PTPRM: variants seen among roughly 807,000 people sequenced by gnomAD.
The protein encoded by PTPRM is receptor-type tyrosine-protein phosphatase mu.
Under a neutral mutation model 186.7 loss-of-function variants are expected in PTPRM, and 47 were observed. The observed-to-expected ratio is 0.25, with a 90% CI of 0.20 to 0.32. The LOEUF (loss-of-function observed/expected upper bound fraction) is 0.32, where lower values mean the gene tolerates loss of function less well. Ranked by LOEUF, PTPRM falls within the 10% of genes least tolerant of loss-of-function variation. The probability of loss-of-function intolerance (pLI) is 1.00; values close to 1 mark genes in which losing one functional copy is unlikely to be tolerated. For missense variants in PTPRM, 1,494 were observed against 1,865.0 expected, an observed-to-expected ratio of 0.80 and a Z score of 3.66; for synonymous variants, 668 against 674.9, an observed-to-expected ratio of 0.99 and a Z score of 0.16.
intron 4 of PTPRM, among the ~76,000 whole-genome samples, chr18:7,924,327 T>A (rs1365498422): frequency 1.3e-5 from 2 of 152,192 alleles, no homozygotes; most frequent in Non-Finnish European, 2.9e-5. Context: ...TTTTAATGTT[T>A]CCAGTTAATG....
chr18:8,319,269 C>T, intron 22 of PTPRM, 55 bp downstream of exon 22: 2 of 1,309,288 alleles, frequency 1.5e-6, no homozygotes, highest in Non-Finnish European at 2.2e-6. Flanking sequence ...CACTTCCTAT[C>T]ATTTTGTACC....
At chr18:7,810,511 T>C (rs915740221) in intron 2 of PTPRM, among the ~76,000 whole-genome samples, 5 of 152,182 alleles carry the variant, frequency 3.3e-5, no homozygotes, top group Non-Finnish European at 5.9e-5. Context: ...AGTGGATGTA[T>C]GCATTTGTGC....
chr18:8,133,298 AC>A (rs1465749388), intron 13 of PTPRM, among the ~76,000 whole-genome samples: 1 of 151,682 alleles, frequency 6.6e-6, no homozygotes, highest in Non-Finnish European at 1.5e-5. Flanking sequence ...ACTAAGAAAA[AC>A]CCTTCTTTTC....
At chr18:7,977,150 T>C (rs1291422570) in intron 7 of PTPRM, among the ~76,000 whole-genome samples, 1 of 152,094 alleles carries the variant, frequency 6.6e-6, no homozygotes, top group African/African-American at 2.4e-5. Flanking sequence ...AGTGCAATGG[T>C]GTGATCTTGG....
intron 2 of PTPRM, among the ~76,000 whole-genome samples, chr18:7,864,811 G>T (rs1426838695): frequency 1.3e-5 from 2 of 152,118 alleles, no homozygotes; most frequent in Non-Finnish European, 2.9e-5. Context: ...TCATGATATT[G>T]ATTCTTCTTA....
chr18:7,573,170 T>G (rs1281812225), intron 1 of PTPRM, among the ~76,000 whole-genome samples: 2 of 152,156 alleles, frequency 1.3e-5, no homozygotes, highest in Non-Finnish European at 2.9e-5. Context: ...TGTTGTGTAC[T>G]CAGGTGTGGG....
Position 7,597,079 on chromosome 18 carries a change from TCCTGAC to T in PTPRM, c.73+29190_73+29195del, listed in dbSNP as rs1298102769. On this transcript the variant is annotated intron_variant, in intron 1 of 32. Coordinates refer to ENST00000580170, the MANE Select transcript of PTPRM (RefSeq NM_001105244.2). ...CACGTTGGCTAGGCTGGAATTGAAC[TCCTGAC>T]CTCAAGTGATCCACCCTCCTTGTCC... Among the ~76,000 whole-genome samples, 11 of 152,312 alleles carry T rather than the reference TCCTGAC, an allele frequency of 7.2e-5. No homozygotes were observed. In the East Asian group the frequency reaches 1.9e-3, roughly 27 times the overall value.
At chr18:7,811,127 G>T (rs564351125) in intron 2 of PTPRM, among the ~76,000 whole-genome samples, 13 of 152,256 alleles carry the variant, frequency 8.5e-5, no homozygotes, top group African/African-American at 2.6e-4. Flanking sequence ...AATCAATAAG[G>T]TTTCATGGAA....
At chr18:8,027,608 A>G (rs1392421757) in intron 7 of PTPRM, among the ~76,000 whole-genome samples, 2 of 152,242 alleles carry the variant, frequency 1.3e-5, no homozygotes, top group Non-Finnish European at 2.9e-5. Flanking sequence ...CAGATGTTAA[A>G]GAGACTTCCC....
chr18:7,873,583 A>G (rs1430473112), intron 2 of PTPRM, among the ~76,000 whole-genome samples: 1 of 152,334 alleles, frequency 6.6e-6, no homozygotes, highest in Non-Finnish European at 1.5e-5. Flanking sequence ...GGTAACAACA[A>G]GAGCAACAGT....
At chr18:8,405,464 G>A (rs533799033) in intron 32 of PTPRM, among the ~76,000 whole-genome samples, 4 of 152,296 alleles carry the variant, frequency 2.6e-5, no homozygotes, top group East Asian at 3.9e-4. Flanking sequence ...TGGGGAAGGC[G>A]CTGTCCACTT....
intron 1 of PTPRM, among the ~76,000 whole-genome samples, chr18:7,680,561 C>T (rs1346606116): frequency 3.9e-5 from 6 of 152,108 alleles, no homozygotes; most frequent in Non-Finnish European, 7.4e-5. Context: ...GTAGGAAAAC[C>T]GTTTCACATG....
rs73941030 is a variant in PTPRM at position 8,066,826 on chromosome 18, G to A, written c.1133-2860G>A. On this transcript the variant is annotated intron_variant, in intron 7 of 32. Coordinates refer to ENST00000580170, the MANE Select transcript of PTPRM (RefSeq NM_001105244.2). ...AATTTAGAGCCTTTGTCATAGAAAT[G>A]ATTGTTTTGTGTTAGGCTTAGCTGT... Among the ~76,000 whole-genome samples the A allele has an allele frequency of 9.2e-3, 1,397 of 152,238 alleles. 23 individuals carry two copies. The highest frequency in any genetic ancestry group is 0.032 in the African/African-American group (1,333 of 41,526).
intron 1 of PTPRM, among the ~76,000 whole-genome samples, chr18:7,621,466 G>A (rs114331952): frequency 1.0e-3 from 156 of 152,078 alleles, no homozygotes; most frequent in African/African-American, 3.7e-3. Context: ...ACATTGACAT[G>A]CCGTTATCAC....
At chr18:8,393,749 T>G (rs908618380) in intron 31 of PTPRM, among the ~76,000 whole-genome samples, 1 of 151,674 alleles carries the variant, frequency 6.6e-6, no homozygotes, top group Non-Finnish European at 1.5e-5. Flanking sequence ...GCCTCTATGT[T>G]TTATAGATAA....
At chr18:8,248,285 G>T in intron 17 of PTPRM, 109 bp downstream of exon 17, 1 of 1,082,308 alleles carries the variant, frequency 9.2e-7, no homozygotes, top group Non-Finnish European at 1.4e-6. Flanking sequence ...GTGATTATAA[G>T]CACGACATGT....
chr18:8,292,047 T>C (rs1038899424), intron 19 of PTPRM, among the ~76,000 whole-genome samples: 8 of 152,196 alleles, frequency 5.3e-5, no homozygotes, highest in Non-Finnish European at 8.8e-5. Flanking sequence ...CCAGTTACTG[T>C]ACTTGCCCTG....
At chr18:8,342,984 T>A (rs1333913544) in intron 22 of PTPRM, among the ~76,000 whole-genome samples, 2 of 152,174 alleles carry the variant, frequency 1.3e-5, no homozygotes, top group African/African-American at 4.8e-5. Flanking sequence ...AAGAAAAATA[T>A]TAGAAACAAG....
At position 7,945,523 on chromosome 18, in the gene PTPRM, G is replaced by A. The variant is rs368573206; in HGVS notation, c.664-3658G>A. 6.6e-5 allele frequency among the ~76,000 whole-genome samples: 10 copies of A among 151,974 alleles called. No individual in the cohort carries two copies. In the East Asian group the frequency reaches 1.7e-3, roughly 27 times the overall value. ...AGCAAGAAGGCCCTCACCAGATGAG[G>A]CCATTTGACCTGGGCTTCTTAGCCT... is the stretch of plus-strand genomic sequence containing the variant. On this transcript the variant is annotated intron_variant, in intron 5 of 32. Coordinates refer to ENST00000580170, the MANE Select transcript of PTPRM (RefSeq NM_001105244.2).
Sources: gnomAD v4.1 joint callset for allele counts (sites outside exome capture counted in the v4.1 genomes callset) on GRCh38, gnomAD v4.1.1 for gene constraint, MANE v1.5 for transcripts, NCBI Gene and HGNC (gene_info 2026-07-23, HGNC 2026-07-21) for gene names.